Variants in KCNJ8 observed in about 807,000 individuals in gnomAD.
KCNJ8 encodes the protein potassium inwardly rectifying channel subfamily J member 8.
KCNJ8 carries 13 observed loss-of-function variants against 28.2 expected under a neutral mutation model. The ratio of observed to expected loss-of-function variants is 0.46; its 90% CI spans 0.30 to 0.73. The LOEUF is 0.73. KCNJ8 is among the 30% of genes least tolerant of loss of function. The probability of loss-of-function intolerance (pLI) is 0.07; values close to 1 mark genes in which losing one functional copy is unlikely to be tolerated. For synonymous variants in KCNJ8, 188 were observed against 195.9 expected (o/e 0.96, Z 0.34); for missense variants, 284 against 542.6 (o/e 0.52, Z 4.73).
At position 21,765,282 on chromosome 12, in the gene KCNJ8, G is replaced by A. The variant is rs868130392; in HGVS notation, c.*441C>T. ...ACAGGAGAAGGCTGATGTACAAAAC[G>A]CATTAACATGATTTTGTTTTTTCCC... On this transcript the variant is annotated 3_prime_UTR_variant, in exon 3 of 3. Transcript: ENST00000240662. 19 of 263,044 alleles carry A rather than the reference G, an allele frequency of 7.2e-5. No individual in the cohort carries two copies. The highest frequency in any genetic ancestry group is 1.5e-4 in the Admixed American group (3 of 19,578). 16.3% of individuals were successfully genotyped at this position (263,044 alleles called of 1,614,324 possible).
At chr12:21,768,426 CCT>C (rs1378057568) in intron 2 of KCNJ8, among the ~76,000 whole-genome samples, 1 of 152,176 alleles carries the variant, frequency 6.6e-6, no homozygotes, top group East Asian at 1.9e-4. Context: ...TGTTTCTTCC[CCT>C]TTCATCAGGA....
At chr12:21,767,836 A>G (rs1862806658) in intron 2 of KCNJ8, among the ~76,000 whole-genome samples, 4 of 152,166 alleles carry the variant, frequency 2.6e-5, no homozygotes, top group African/African-American at 9.7e-5. Context: ...CAGCCAGTCT[A>G]TTATCACAAT....
At chr12:21,774,062 T>A (rs1020812951) in intron 1 of KCNJ8, among the ~76,000 whole-genome samples, 3 of 152,178 alleles carry the variant, frequency 2.0e-5, no homozygotes, top group Non-Finnish European at 4.4e-5. Context: ...ACCAGTTGGG[T>A]GCACGATCTA....
chr12:21,773,671 C>T lies in KCNJ8; in HGVS notation c.-55G>A. The T allele has an allele frequency of 2.5e-6, 4 of 1,604,546 alleles. No individual in the cohort carries two copies. The highest frequency in any genetic ancestry group is 1.7e-5 in the Admixed American group (1 of 60,022). On this transcript the variant is annotated 5_prime_UTR_variant, in exon 2 of 3. Coordinates refer to ENST00000240662, the MANE Select transcript of KCNJ8 (RefSeq NM_004982.4). The surrounding 1 kb of genome is among the most constrained non-coding windows in gnomAD (Gnocchi z 4.6). ...CTCCCTCTCACCTGCCTCTCCGTCC[C>T]TGGACACCCGTCCTCCTGCACGAGG...
chr12:21,773,982 T>G lies in KCNJ8; in HGVS notation c.-70-296A>C, dbSNP rs1460458559. Among the ~76,000 whole-genome samples the G allele has an allele frequency of 2.0e-5, 3 of 152,250 alleles. No homozygotes were observed. The East Asian group carries it at 5.8e-4, about 29-fold the overall frequency. On this transcript the variant is annotated intron_variant, in intron 1 of 2. Coordinates refer to ENST00000240662, the MANE Select transcript of KCNJ8 (RefSeq NM_004982.4). The surrounding 1 kb of genome is among the most constrained non-coding windows in gnomAD (Gnocchi z 4.6). ...GGTAAACAGCAGGCTCAAAGATAAT[T>G]CTCTGCGATTAACCGCGTCTGTAAA...
At chr12:21,770,178 C>T (rs1442373666) in intron 2 of KCNJ8, among the ~76,000 whole-genome samples, 2 of 152,190 alleles carry the variant, frequency 1.3e-5, no homozygotes, top group Non-Finnish European at 2.9e-5. Flanking sequence ...GCAACCACTA[C>T]CCAGATCAAT....
rs1341531219 is a variant in KCNJ8 at position 21,773,541 on chromosome 12, G to A, written c.76C>T (p.Arg26Cys). 8 of 1,614,084 alleles carry A rather than the reference G, an allele frequency of 5.0e-6. No homozygotes were observed. The highest frequency in any genetic ancestry group is 5.1e-6 in the Non-Finnish European group (6 of 1,180,054). Residue 26 changes from arginine to cysteine, a missense_variant, in exon 2 of 3, where the codon CGC becomes TGC. Physicochemically the swap from Arg to Cys is radical, Grantham distance 180. This residue lies in a region of KCNJ8 where 54 missense variants were observed against 77.5 expected (regional missense o/e 0.70). Coordinates refer to ENST00000240662, the MANE Select transcript of KCNJ8 (RefSeq NM_004982.4). This position sits in a 1 kb window ranked among gnomAD's most constrained non-coding sequence, Gnocchi z 4.6. ...GCTTTGGGGAGGCGGTCTCGGATGC[G>A]CGGCTTGCGCAGGTTCTCTGCGGCG... ...RIAAENLRKPRIRDRLPKARF... is the reference protein window; with the variant it reads ...RIAAENLRKPCIRDRLPKARF...
rs1940637690 is a variant in KCNJ8 at position 21,766,891 on chromosome 12, A to AT, written c.375-269dup. Among the ~76,000 whole-genome samples, 1 of 152,194 alleles carries AT rather than the reference A, an allele frequency of 6.6e-6. No individual in the cohort carries two copies. The highest frequency in any genetic ancestry group is 6.5e-5 in the Admixed American group (1 of 15,280). ...TAAGGCCTAATTCTATTAACATTCT[A>AT]TTAATGTTTCATAGGTCACATAGTG... On this transcript the variant is annotated intron_variant, in intron 2 of 2. Coordinates refer to ENST00000240662, the MANE Select transcript of KCNJ8 (RefSeq NM_004982.4). The surrounding 1 kb of genome is among the most constrained non-coding windows in gnomAD (Gnocchi z 6.5).
At position 21,765,276 on chromosome 12, in the gene KCNJ8, C is replaced by T. The variant is rs867661115; in HGVS notation, c.*447G>A. 2 of 258,474 alleles carry T rather than the reference C, an allele frequency of 7.7e-6. No individual in the cohort carries two copies. Among genetic ancestry groups the T allele is most frequent in the East Asian group, 1.0e-4 (1 of 9,602 alleles). The allele number at this position is 258,474 out of a possible 1,614,324, so 16.0% of individuals were successfully genotyped here. A position where few individuals can be genotyped will look rare whatever the true frequency, so the allele number is the denominator to read the frequency against. ...ATGGAGACAGGAGAAGGCTGATGTA[C>T]AAAACGCATTAACATGATTTTGTTT... On this transcript the variant is annotated 3_prime_UTR_variant, in exon 3 of 3. Coordinates refer to ENST00000240662, the MANE Select transcript of KCNJ8 (RefSeq NM_004982.4).
At position 21,773,311 on chromosome 12, in the gene KCNJ8, A is replaced by C; in HGVS notation, c.306T>G (p.Tyr102Ter). Reference sequence around the variant, plus strand: ...CCATTCCACTTTTCTCCATGTAAGCATAGATGTCCCCATGGGCAAAGGCCA... The same window carrying C: ...CCATTCCACTTTTCTCCATGTAAGCCTAGATGTCCCCATGGGCAAAGGCCA... Reference protein sequence around the residue: ...WLVAFAHGDIYAYMEKSGMEK... With the variant: ...WLVAFAHGDI The change falls in exon 2 of 3, where the codon TAT becomes TAG. Residue 102 changes from tyrosine to a stop codon, truncating the protein, a stop_gained. Coordinates refer to ENST00000240662, the MANE Select transcript of KCNJ8 (RefSeq NM_004982.4). LOFTEE classifies it high-confidence loss of function. The surrounding 1 kb of genome is among the most constrained non-coding windows in gnomAD (Gnocchi z 4.6). 6.2e-7 allele frequency: 1 copy of C among 1,614,178 alleles called. No individual in the cohort carries two copies. The highest frequency in any genetic ancestry group is 8.5e-7 in the Non-Finnish European group (1 of 1,180,042).
chr12:21,772,707 C>T (rs576628715), intron 2 of KCNJ8, among the ~76,000 whole-genome samples: 1 of 152,234 alleles, frequency 6.6e-6, no homozygotes, highest in African/African-American at 2.4e-5. Flanking sequence ...ATGATAATCT[C>T]GATAAAGAAG....
rs191704812 is a variant in KCNJ8, at chr12:21,771,153, T to C, written c.374+2090A>G. On this transcript the variant is annotated intron_variant, in intron 2 of 2. Coordinates refer to ENST00000240662, the MANE Select transcript of KCNJ8 (RefSeq NM_004982.4). ...AAAAATGGACCCCAGAGAAGGGGTA[T>C]GGATACAACACTGATTTCTGATAAT... Among the ~76,000 whole-genome samples, 16 of 152,322 alleles carry C rather than the reference T, an allele frequency of 1.1e-4. No individual in the cohort carries two copies. In the East Asian group the frequency reaches 2.5e-3, roughly 24 times the overall value.
rs1374620301 is a variant in KCNJ8 at position 21,765,230 on chromosome 12, T to C, written c.*493A>G. Reference sequence around the variant, plus strand: ...CACTTAAGCAGTTTTTGCCTCAGGCTTCCTACCAAATGCAGTTATCATGGA... The same window carrying C: ...CACTTAAGCAGTTTTTGCCTCAGGCCTCCTACCAAATGCAGTTATCATGGA... On this transcript the variant is annotated 3_prime_UTR_variant, in exon 3 of 3. Transcript: ENST00000240662. The C allele has an allele frequency of 4.7e-6, 1 of 213,324 alleles. No individual in the cohort carries two copies. Among genetic ancestry groups the C allele is most frequent in the African/African-American group, 2.4e-5 (1 of 42,538 alleles). 13.2% of individuals were successfully genotyped at this position (213,324 alleles called of 1,614,324 possible). A position where few individuals can be genotyped will look rare whatever the true frequency, so the allele number is the denominator to read the frequency against.
At chr12:21,767,988 G>A (rs1940671715) in intron 2 of KCNJ8, among the ~76,000 whole-genome samples, 1 of 151,992 alleles carries the variant, frequency 6.6e-6, no homozygotes. Context: ...ATTGTTTAGG[G>A]CAGCAGTCCC....
At chr12:21,770,105 A>G (rs2137049768) in intron 2 of KCNJ8, among the ~76,000 whole-genome samples, 2 of 152,324 alleles carry the variant, frequency 1.3e-5, no homozygotes, top group South Asian at 4.1e-4. Context: ...AGAAAAGTCA[A>G]TTGTTGCAGC....
In KCNJ8 at chr12:21,766,231, C is replaced by T. The variant is rs762434135; in HGVS notation, c.767G>A (p.Ser256Asn). Residue 256 changes from serine (S) to asparagine (N), a missense_variant, in exon 3 of 3, where the codon AGC (serine) becomes AAC (asparagine). By Grantham distance (46) the Ser-to-Asn change is conservative. Coordinates refer to ENST00000240662, the MANE Select transcript of KCNJ8 (RefSeq NM_004982.4). This position sits in a 1 kb window ranked among gnomAD's most constrained non-coding sequence, Gnocchi z 6.5. The part of the protein sequence containing the change: ...LDIPVDNPIE[S>N]NNIFLVAPLI... The stretch of plus-strand genomic sequence containing the variant: ...AGGGGCCACCAGAAAAATGTTATTG[C>T]TCTCGATTGGGTTATCAACAGGAAT... The T allele has an allele frequency of 1.2e-6, 2 of 1,613,954 alleles. No homozygotes were observed. The highest frequency in any genetic ancestry group is 2.7e-5 in the African/African-American group (2 of 74,892).
intron 2 of KCNJ8, among the ~76,000 whole-genome samples, chr12:21,772,495 A>G (rs1339344648): frequency 1.3e-5 from 2 of 152,250 alleles, no homozygotes; most frequent in African/African-American, 4.8e-5. Flanking sequence ...GATATGAGAA[A>G]GAAGCCAAAG....
rs776266885 is a variant in KCNJ8, at chr12:21,773,562, C to T, written c.55G>A (p.Ala19Thr). 2.5e-6 allele frequency: 4 copies of T among 1,614,066 alleles called. No individual in the cohort carries two copies. The Admixed American group carries it at 5.0e-5, about 20-fold the overall frequency. Residue 19 changes from alanine to threonine, a missense_variant, in exon 2 of 3, where the codon GCA becomes ACA. Physicochemically the swap from Ala to Thr is moderately conservative, Grantham distance 58. This residue lies in a region of KCNJ8 where 54 missense variants were observed against 77.5 expected (regional missense o/e 0.70). Coordinates refer to ENST00000240662, the MANE Select transcript of KCNJ8 (RefSeq NM_004982.4). This position sits in a 1 kb window ranked among gnomAD's most constrained non-coding sequence, Gnocchi z 4.6. ...ATGCGCGGCTTGCGCAGGTTCTCTG[C>T]GGCGATGCGCGCCAGCACATACTCC... The part of the protein sequence containing the change: ...PEEYVLARIA[A>T]ENLRKPRIRD...
At chr12:21,774,213 G>C (rs1287832706) in intron 1 of KCNJ8, among the ~76,000 whole-genome samples, 2 of 152,046 alleles carry the variant, frequency 1.3e-5, no homozygotes, top group East Asian at 3.8e-4. Context: ...TATAATAAGT[G>C]GTGTGCTATA....
Sources: gnomAD v4.1 joint callset for allele counts (sites outside exome capture counted in the v4.1 genomes callset) on GRCh38, gnomAD v4.1.1 for gene constraint, gnomAD v4.1.1 regional missense constraint, Gnocchi (gnomAD v3.1) non-coding constraint, MANE v1.5 for transcripts, NCBI Gene and HGNC (gene_info 2026-07-23, HGNC 2026-07-21) for gene names.